GRWD1: variants seen among roughly 807,000 people sequenced by gnomAD.
GRWD1 encodes the protein glutamate-rich WD repeat-containing protein 1.
GRWD1 carries 29 observed loss-of-function variants against 45.3 expected under a neutral mutation model. The observed-to-expected ratio is 0.64, with a 90% CI of 0.48 to 0.87. The LOEUF (loss-of-function observed/expected upper bound fraction) is 0.87. GRWD1 is among the 40% of genes least tolerant of loss of function. The pLI is 0.00. For missense variants in GRWD1, 592 were observed against 618.8 expected (o/e 0.96, Z 0.46); for synonymous variants, 262 against 257.6 (o/e 1.02, Z -0.16).
In GRWD1 at chr19:48,450,106, C is replaced by T. The variant is rs930012544; in HGVS notation, c.469-207C>T. Among the ~76,000 whole-genome samples the T allele has an allele frequency of 6.6e-6, 1 of 152,084 alleles. No individual in the cohort carries two copies. The highest frequency in any genetic ancestry group is 1.5e-5 in the Non-Finnish European group (1 of 68,002). ...TCAGCTCCCCCACCCACTCCCACCCCCTGTGGAGAGCTGTCCCAGTTACCA... is the reference window on the plus strand; with the variant it reads ...TCAGCTCCCCCACCCACTCCCACCCTCTGTGGAGAGCTGTCCCAGTTACCA... On this transcript the variant is annotated intron_variant, in intron 3 of 6. Transcript: ENST00000253237. The surrounding 1 kb of genome is among the most constrained non-coding windows in gnomAD (Gnocchi z 5.1).
In GRWD1 at chr19:48,446,420, C is replaced by T. The variant is rs780443467; in HGVS notation, c.223C>T (p.His75Tyr). The T allele has an allele frequency of 6.2e-7, 1 of 1,614,212 alleles. No homozygotes were observed. Among genetic ancestry groups the T allele is most frequent in the Non-Finnish European group, 8.5e-7 (1 of 1,180,034 alleles). Reference protein sequence around the residue: ...PCLSFDIVRDHLGDNRTELPL... With the variant: ...PCLSFDIVRDYLGDNRTELPL... The stretch of plus-strand genomic sequence containing the variant: ...TCTCAGCTTTGACATAGTCCGGGAT[C>T]ACCTGGGAGACAACCGGACAGAGCT... The change falls in exon 2 of 7, where the codon CAC (histidine) becomes TAC (tyrosine). Residue 75 changes from histidine (H) to tyrosine (Y), a missense_variant. His to Tyr is a moderately conservative substitution (Grantham distance 83). Coordinates refer to ENST00000253237, the MANE Select transcript of GRWD1 (RefSeq NM_031485.4).
chr19:48,448,328 A>G (rs1971434745), intron 3 of GRWD1, among the ~76,000 whole-genome samples: 1 of 152,222 alleles, frequency 6.6e-6, no homozygotes, highest in South Asian at 2.1e-4. Flanking sequence ...CGGTATATGA[A>G]GAGCACTTAG....
Position 48,450,459 on chromosome 19 carries a change from G to T in GRWD1, c.615G>T (p.Lys205Asn). 1 of 1,614,142 alleles carries T rather than the reference G, an allele frequency of 6.2e-7. No homozygotes were observed. The highest frequency in any genetic ancestry group is 1.7e-5 in the Admixed American group (1 of 60,022). ...AFLRDEQAQMKPIFSFAGHMG... is the reference protein window; with the variant it reads ...AFLRDEQAQMNPIFSFAGHMG... ...TCCGGGATGAGCAGGCCCAAATGAAGCCCATCTTCTCCTTCGCTGGACACA... is the reference window on the plus strand; with the variant it reads ...TCCGGGATGAGCAGGCCCAAATGAATCCCATCTTCTCCTTCGCTGGACACA... The change falls in exon 4 of 7, where the codon AAG (lysine) becomes AAT (asparagine). Residue 205 changes from lysine (K) to asparagine (N), a missense_variant. Coordinates refer to ENST00000253237, the MANE Select transcript of GRWD1 (RefSeq NM_031485.4). This position sits in a 1 kb window ranked among gnomAD's most constrained non-coding sequence, Gnocchi z 5.1.
chr19:48,450,622 T>G lies in GRWD1; in HGVS notation c.683-44T>G. 1.2e-6 allele frequency: 2 copies of G among 1,610,136 alleles called. No homozygotes were observed. Among genetic ancestry groups the G allele is most frequent in the Non-Finnish European group, 1.7e-6 (2 of 1,177,660 alleles). ...TTAGACTCCAAGGAGGGGAGCGAGCTGCGGCCAGGTGGGGCGAGGTCATTT... is the reference window on the plus strand; with the variant it reads ...TTAGACTCCAAGGAGGGGAGCGAGCGGCGGCCAGGTGGGGCGAGGTCATTT... On this transcript the variant is annotated intron_variant, in intron 4 of 6. Transcript: ENST00000253237. This position sits in a 1 kb window ranked among gnomAD's most constrained non-coding sequence, Gnocchi z 5.1.
chr19:48,450,822 G>A lies in GRWD1; in HGVS notation c.825+14G>A. The A allele has an allele frequency of 6.2e-7, 1 of 1,609,640 alleles. No homozygotes were observed. Among genetic ancestry groups the A allele is most frequent in the Non-Finnish European group, 8.5e-7 (1 of 1,177,656 alleles). On this transcript the variant is annotated intron_variant, in intron 5 of 6. Coordinates refer to ENST00000253237, the MANE Select transcript of GRWD1 (RefSeq NM_031485.4). The surrounding 1 kb of genome is among the most constrained non-coding windows in gnomAD (Gnocchi z 5.1). ...ACTGAGAACACGGTGAGGGAGGGTG[G>A]GGTTCTGGTCGTTTAGTTCTGATGG...
intron 1 of GRWD1, 45 bp downstream of exon 1, chr19:48,446,237 G>C: frequency 6.3e-7 from 1 of 1,577,114 alleles, no homozygotes; most frequent in Non-Finnish European, 8.6e-7. Flanking sequence ...GGCTGATCCC[G>C]AGCCTTTAAC....
Position 48,450,909 on chromosome 19 carries a change from AG to A in GRWD1, c.825+103del. The A allele has an allele frequency of 6.7e-7, 1 of 1,503,430 alleles. No individual in the cohort carries two copies. The highest frequency in any genetic ancestry group is 9.1e-7 in the Non-Finnish European group (1 of 1,104,416). The allele number at this position is 1,503,430 out of a possible 1,614,324, so 93.1% of individuals were successfully genotyped here. A position where few individuals can be genotyped will look rare whatever the true frequency, so the allele number is the denominator to read the frequency against. The stretch of plus-strand genomic sequence containing the variant: ...GAAAAGAGGGCTGGGAGCCTGACGG[AG>A]GTTTAGTTTCCAGGCCAAGTCATAG... On this transcript the variant is annotated intron_variant, in intron 5 of 6. Transcript: ENST00000253237. This position sits in a 1 kb window ranked among gnomAD's most constrained non-coding sequence, Gnocchi z 5.1.
rs1205282643 is a variant in GRWD1 at position 48,449,447 on chromosome 19, A to G, written c.469-866A>G. ...ATAGGTGCTGGGCATGAGGACCAAG[A>G]ATGAGTTCTGAATTTTGGGGCCTGA... is the stretch of plus-strand genomic sequence containing the variant. On this transcript the variant is annotated intron_variant, in intron 3 of 6. Transcript: ENST00000253237. Among the ~76,000 whole-genome samples, 4 of 152,082 alleles carry G rather than the reference A, an allele frequency of 2.6e-5. No homozygotes were observed. The East Asian group carries it at 7.7e-4, about 29-fold the overall frequency.
chr19:48,452,395 G>C lies in GRWD1; in HGVS notation c.1024-313G>C, dbSNP rs1210169777. On this transcript the variant is annotated intron_variant, in intron 6 of 6. Coordinates refer to ENST00000253237, the MANE Select transcript of GRWD1 (RefSeq NM_031485.4). The surrounding 1 kb of genome is among the most constrained non-coding windows in gnomAD (Gnocchi z 5.1). ...TTACAGTCGTGAGCCACCGCACCCA[G>C]CCCATGCCCTCCTTTTACAAGGAAG... is the stretch of plus-strand genomic sequence containing the variant. Among the ~76,000 whole-genome samples, 1 of 151,898 alleles carries C rather than the reference G, an allele frequency of 6.6e-6. No individual in the cohort carries two copies. Among genetic ancestry groups the C allele is most frequent in the African/African-American group, 2.4e-5 (1 of 41,382 alleles).
rs539140442 is a variant in GRWD1 at position 48,453,103 on chromosome 19, A to G, written c.*78A>G. 6.8e-5 allele frequency: 91 copies of G among 1,342,538 alleles called. No homozygotes were observed. The African/African-American group carries it at 1.2e-3, about 18-fold the overall frequency. The allele number at this position is 1,342,538 out of a possible 1,614,324, so 83.2% of individuals were successfully genotyped here. A position where few individuals can be genotyped will look rare whatever the true frequency, so the allele number is the denominator to read the frequency against. On this transcript the variant is annotated 3_prime_UTR_variant, in exon 7 of 7. Coordinates refer to ENST00000253237, the MANE Select transcript of GRWD1 (RefSeq NM_031485.4). ...GGGCTCCCCTGGAAGGGGTTCATTCAGGTCTGTTGACTGAGACTGGCCGGC... is the reference window on the plus strand; with the variant it reads ...GGGCTCCCCTGGAAGGGGTTCATTCGGGTCTGTTGACTGAGACTGGCCGGC...
chr19:48,446,933 T>TA, intron 3 of GRWD1, 90 bp downstream of exon 3: 13 of 852,114 alleles, frequency 1.5e-5, no homozygotes, highest in East Asian at 3.0e-5. Flanking sequence ...CTCCTCATGT[T>TA]CTTTTTTTTT....
chr19:48,449,989 G>A (rs527934537), intron 3 of GRWD1, among the ~76,000 whole-genome samples: 3 of 151,956 alleles, frequency 2.0e-5, no homozygotes, highest in Admixed American at 6.6e-5. Context: ...CATTTAGAGG[G>A]TTACCGAGAC....
intron 6 of GRWD1, 66 bp downstream of exon 6, chr19:48,451,297 G>T: frequency 7.1e-7 from 1 of 1,406,320 alleles, no homozygotes; most frequent in Non-Finnish European, 9.6e-7. Flanking sequence ...GGGATTTGTA[G>T]GATTTTTCCT....
chr19:48,450,946 A>G lies in GRWD1; in HGVS notation c.826-88A>G, dbSNP rs1971468088. On this transcript the variant is annotated intron_variant, in intron 5 of 6. Transcript: ENST00000253237. The surrounding 1 kb of genome is among the most constrained non-coding windows in gnomAD (Gnocchi z 5.1). ...CAGGCCAAGTCATAGTAAGGGGAACAGTGAAAGAGAGAGTAGCCCACCGCT... is the reference window on the plus strand; with the variant it reads ...CAGGCCAAGTCATAGTAAGGGGAACGGTGAAAGAGAGAGTAGCCCACCGCT... The G allele has an allele frequency of 2.3e-5, 34 of 1,508,198 alleles. No homozygotes were observed. The highest frequency in any genetic ancestry group is 3.0e-5 in the Non-Finnish European group (33 of 1,106,536). The allele number at this position is 1,508,198 out of a possible 1,614,324, so 93.4% of individuals were successfully genotyped here. A position where few individuals can be genotyped will look rare whatever the true frequency, so the allele number is the denominator to read the frequency against.
Position 48,446,450 on chromosome 19 carries a change from C to T in GRWD1, c.253C>T (p.Leu85Phe), listed in dbSNP as rs1400527369. 1 of 1,614,068 alleles carries T rather than the reference C, an allele frequency of 6.2e-7. No individual in the cohort carries two copies. The highest frequency in any genetic ancestry group is 1.3e-5 in the African/African-American group (1 of 74,920). The change falls in exon 2 of 7, where the codon CTT (leucine) becomes TTT (phenylalanine). Residue 85 changes from leucine (L) to phenylalanine (F), a missense_variant. By Grantham distance (22) the Leu-to-Phe change is conservative. Transcript: ENST00000253237. ...GGGAGACAACCGGACAGAGCTTCCT[C>T]TTACACTTTACTTGTGTGCTGGGAC... is the stretch of plus-strand genomic sequence containing the variant. ...HLGDNRTELP[L>F]TLYLCAGTQA... is the part of the protein sequence containing the mutation.
At chr19:48,448,641 C>T (rs1468595196) in intron 3 of GRWD1, among the ~76,000 whole-genome samples, 1 of 152,142 alleles carries the variant, frequency 6.6e-6, no homozygotes, top group Non-Finnish European at 1.5e-5. Context: ...ATGCCATTTG[C>T]ATAGATACTC....
Position 48,452,949 on chromosome 19 carries a change from G to T in GRWD1, c.1265G>T (p.Trp422Leu). ...GAGACCGAGCTGAAGGAGCTGCACTGGCACCCGCAGTGCCCAGGGCTCCTG... is the reference window on the plus strand; with the variant it reads ...GAGACCGAGCTGAAGGAGCTGCACTTGCACCCGCAGTGCCCAGGGCTCCTG... ...QGETELKELH[W>L]HPQCPGLLVS... Residue 422 changes from tryptophan to leucine, a missense_variant, in exon 7 of 7, where the codon TGG becomes TTG. Transcript: ENST00000253237. This position sits in a 1 kb window ranked among gnomAD's most constrained non-coding sequence, Gnocchi z 5.1. 1 of 1,612,022 alleles carries T rather than the reference G, an allele frequency of 6.2e-7. No homozygotes were observed.
chr19:48,447,995 A>G (rs1204791343), intron 3 of GRWD1, among the ~76,000 whole-genome samples: 1 of 152,188 alleles, frequency 6.6e-6, no homozygotes, highest in Non-Finnish European at 1.5e-5. Context: ...CCCATTGCCC[A>G]GGCTGGAGTG....
chr19:48,450,817 G>T lies in GRWD1; in HGVS notation c.825+9G>T. On this transcript the variant is annotated intron_variant, in intron 5 of 6. Transcript: ENST00000253237. This position sits in a 1 kb window ranked among gnomAD's most constrained non-coding sequence, Gnocchi z 5.1. ...CACCGACTGAGAACACGGTGAGGGA[G>T]GGTGGGGTTCTGGTCGTTTAGTTCT... The T allele has an allele frequency of 6.2e-7, 1 of 1,611,250 alleles. No homozygotes were observed. The highest frequency in any genetic ancestry group is 2.2e-5 in the East Asian group (1 of 44,758).
Sources: allele counts gnomAD v4.1 joint callset (sites outside exome capture counted in the v4.1 genomes callset), GRCh38; gene constraint gnomAD v4.1.1; non-coding constraint Gnocchi (gnomAD v3.1); transcripts MANE v1.5; gene names NCBI Gene and HGNC (gene_info 2026-07-23, HGNC 2026-07-21).